CTNNA3: variants seen among roughly 807,000 people sequenced by gnomAD.
The protein encoded by CTNNA3 is catenin alpha 3, also known as catenin alpha-3.
Under a neutral mutation model 95.7 loss-of-function variants are expected in CTNNA3, and 76 were observed. The observed-to-expected ratio is 0.79, with a 90% CI of 0.66 to 0.96. CTNNA3 has a LOEUF of 0.96. Ranked by LOEUF, CTNNA3 falls within the 40% of genes least tolerant of loss-of-function variation. CTNNA3 has a pLI of 0.00. For synonymous variants in CTNNA3, 431 were observed against 374.4 expected (o/e 1.15, Z -1.74); for missense variants, 1,191 against 1,089.8 (o/e 1.09, Z -1.31).
chr10:66,877,572 C>T (rs1844673839), intron 7 of CTNNA3, among the ~76,000 whole-genome samples: 1 of 152,096 alleles, frequency 6.6e-6, no homozygotes, highest in Admixed American at 6.6e-5. Flanking sequence ...GATTCTCTCA[C>T]CATTTATCTG....
At chr10:67,655,333 G>T (rs543086230) in intron 1 of CTNNA3, among the ~76,000 whole-genome samples, 57 of 152,278 alleles carry the variant, frequency 3.7e-4, no homozygotes, top group African/African-American at 1.0e-3. Flanking sequence ...AGAAATATTT[G>T]TATTAATAGT....
chr10:67,726,582 A>AATATATAATATATATTATATT (rs1564841312), intron 1 of CTNNA3, among the ~76,000 whole-genome samples: 2 of 70,274 alleles, frequency 2.8e-5, no homozygotes, highest in African/African-American at 1.4e-4. Context: ...CATATTATAT[A>AATATATAATATATATTATATT]ATATGTAATA....
intron 11 of CTNNA3, among the ~76,000 whole-genome samples, chr10:66,454,718 C>A (rs2093484689): frequency 6.7e-6 from 1 of 149,348 alleles, no homozygotes; most frequent in African/African-American, 2.5e-5. Context: ...CTTTCCATTT[C>A]ATTTTATGAG....
chr10:67,047,668 T>A (rs1365111058), intron 7 of CTNNA3, among the ~76,000 whole-genome samples: 1 of 152,140 alleles, frequency 6.6e-6, no homozygotes, highest in African/African-American at 2.4e-5. Flanking sequence ...TAAATTCACA[T>A]ATATTTATGA....
At chr10:67,067,945 G>A (rs1030331905) in intron 7 of CTNNA3, among the ~76,000 whole-genome samples, 3 of 152,184 alleles carry the variant, frequency 2.0e-5, no homozygotes, top group African/African-American at 7.2e-5. Context: ...GTTGGGTAAA[G>A]GTTTGTCCTG....
At chr10:67,563,473 C>A (rs1406136721) in intron 3 of CTNNA3, among the ~76,000 whole-genome samples, 1 of 152,252 alleles carries the variant, frequency 6.6e-6, no homozygotes, top group East Asian at 1.9e-4. Flanking sequence ...CTTCCTTACA[C>A]CTTATACAAA....
chr10:66,363,873 C>T (rs1388410429), intron 12 of CTNNA3, among the ~76,000 whole-genome samples: 2 of 152,084 alleles, frequency 1.3e-5, no homozygotes, highest in African/African-American at 4.8e-5. Flanking sequence ...TAAGACTATG[C>T]AGCAGGCATT....
At chr10:67,392,709 T>C (rs988680525) in intron 5 of CTNNA3, among the ~76,000 whole-genome samples, 9 of 152,144 alleles carry the variant, frequency 5.9e-5, no homozygotes, top group Non-Finnish European at 8.8e-5. Flanking sequence ...ATATACACCA[T>C]GGAATACTAT....
chr10:66,075,785 C>T (rs578107549), intron 14 of CTNNA3, among the ~76,000 whole-genome samples: 41 of 151,756 alleles, frequency 2.7e-4, no homozygotes, highest in Non-Finnish European at 4.9e-4. Context: ...TGGCTAGTGA[C>T]AGATGTGATG....
chr10:66,270,229 G>T (rs941472292), intron 13 of CTNNA3, among the ~76,000 whole-genome samples: 6 of 151,442 alleles, frequency 4.0e-5, no homozygotes, highest in South Asian at 2.1e-4. Flanking sequence ...TTTTTTGGGG[G>T]GGGGGGCAGG....
At chr10:67,647,147 TA>T (rs1839739108) in intron 2 of CTNNA3, among the ~76,000 whole-genome samples, 3 of 384 alleles carry the variant, frequency 7.8e-3, no homozygotes, top group South Asian at 0.042. Context: ...CTCTGAAAAT[TA>T]TATATATATA....
upstream of CTNNA3, among the ~76,000 whole-genome samples, chr10:67,699,413 C>T (rs1055129493): frequency 2.0e-5 from 3 of 152,158 alleles, no homozygotes; most frequent in Non-Finnish European, 4.4e-5. Flanking sequence ...GTGGCCAAAC[C>T]ATTCTGTCAC....
At chr10:66,179,829 T>C (rs1248009544) in intron 13 of CTNNA3, among the ~76,000 whole-genome samples, 2 of 152,118 alleles carry the variant, frequency 1.3e-5, no homozygotes, top group Non-Finnish European at 1.5e-5. Flanking sequence ...CAATACAATG[T>C]TCTATATATG....
At chr10:66,448,807 C>T (rs1010752394) in intron 11 of CTNNA3, among the ~76,000 whole-genome samples, 2 of 151,436 alleles carry the variant, frequency 1.3e-5, no homozygotes, top group African/African-American at 4.9e-5. Context: ...TCCACATGTA[C>T]CCTAAAACTT....
At chr10:67,457,932 C>T (rs1847233388) in intron 5 of CTNNA3, among the ~76,000 whole-genome samples, 1 of 152,110 alleles carries the variant, frequency 6.6e-6, no homozygotes, top group South Asian at 2.1e-4. Context: ...AACTTTAATT[C>T]CCTCCGCCAT....
chr10:66,652,200 G>GA (rs971977391), intron 9 of CTNNA3, among the ~76,000 whole-genome samples: 8 of 147,448 alleles, frequency 5.4e-5, no homozygotes, highest in South Asian at 2.1e-4. Context: ...GAAAATGATA[G>GA]AAAAAAAATC....
chr10:66,038,526 A>G (rs1350719149), intron 15 of CTNNA3, among the ~76,000 whole-genome samples: 1 of 152,260 alleles, frequency 6.6e-6, no homozygotes, highest in East Asian at 1.9e-4. Flanking sequence ...AGTAGGATAT[A>G]CATTTGAGCA....
chr10:67,714,945 C>T (rs968369575), intron 1 of CTNNA3, among the ~76,000 whole-genome samples: 1 of 152,170 alleles, frequency 6.6e-6, no homozygotes, highest in African/African-American at 2.4e-5. Flanking sequence ...TGAGGCCTCC[C>T]CAGCCATATG....
Position 66,069,313 on chromosome 10 carries a change from G to T in CTNNA3, c.2154C>A (p.Phe718Leu). 6.2e-7 allele frequency: 1 copy of T among 1,612,898 alleles called. No individual in the cohort carries two copies. Among genetic ancestry groups the T allele is most frequent in the Non-Finnish European group, 8.5e-7 (1 of 1,179,250 alleles). Residue 718 changes from phenylalanine (F) to leucine (L), a missense_variant, in exon 15 of 18, where the codon TTC becomes TTA. Physicochemically the swap from Phe to Leu is conservative, Grantham distance 22. Transcript: ENST00000433211. ...MCMIMMEMTD[F>L]TRGKGPLKHT... ...ATCGTTTTCCACATAATTACCTAGTGAAGTCTGTCATCTCCATCATGATCA... is the reference window on the plus strand; with the variant it reads ...ATCGTTTTCCACATAATTACCTAGTTAAGTCTGTCATCTCCATCATGATCA...
Sources: gnomAD v4.1 joint callset for allele counts (sites outside exome capture counted in the v4.1 genomes callset) on GRCh38, gnomAD v4.1.1 for gene constraint, MANE v1.5 for transcripts, NCBI Gene and HGNC (gene_info 2026-07-23, HGNC 2026-07-21) for gene names.